Variants in KIF3C observed in about 807,000 individuals in gnomAD.
KIF3C encodes kinesin-like protein KIF3C.
In KIF3C, 12 loss-of-function variants were observed where a neutral mutation model predicts 67.7. That is an observed-to-expected ratio of 0.18 (90% confidence interval 0.11 to 0.29). The LOEUF is 0.29. KIF3C is among the 10% of genes least tolerant of loss of function. The pLI is 1.00. For missense variants in KIF3C, 789 were observed against 1,059.6 expected (o/e 0.74, Z 3.55); for synonymous variants, 393 against 426.2 (o/e 0.92, Z 0.96).
intron 1 of KIF3C, among the ~76,000 whole-genome samples, chr2:25,966,027 C>T (rs887316980): frequency 2.0e-5 from 3 of 151,960 alleles, no homozygotes; most frequent in Admixed American, 6.6e-5. Context: ...ACCCCAACCC[C>T]CATGCTTTAT....
At chr2:25,935,558 C>A (rs998018949) in intron 5 of KIF3C, among the ~76,000 whole-genome samples, 1 of 152,036 alleles carries the variant, frequency 6.6e-6, no homozygotes, top group African/African-American at 2.4e-5. Context: ...GACAGGGTCT[C>A]ACTCTGTTGC....
In KIF3C at chr2:25,980,435, TCTC is replaced by T. The variant is rs749944256; in HGVS notation, c.1480_1482del (p.Glu494del). ...TCCCGCCGCAGGTCCTCCAGCATCTTCTCCTTCTCCTCCAGCAGCTTCTGCTTC... is the reference window on the plus strand; with the variant it reads ...TCCCGCCGCAGGTCCTCCAGCATCTTCTTCTCCTCCAGCAGCTTCTGCTTC... On this transcript the variant is annotated inframe_deletion, in exon 1 of 8. Coordinates refer to ENST00000264712, the MANE Select transcript of KIF3C (RefSeq NM_002254.8). The surrounding 1 kb of genome is among the most constrained non-coding windows in gnomAD (Gnocchi z 7.6). 7 of 1,614,034 alleles carry T rather than the reference TCTC, an allele frequency of 4.3e-6. No homozygotes were observed. Among genetic ancestry groups the T allele is most frequent in the Admixed American group, 3.3e-5 (2 of 60,004 alleles).
chr2:25,956,385 C>T lies in KIF3C; in HGVS notation c.1605G>A (p.Gln535=). 6.2e-7 allele frequency: 1 copy of T among 1,614,208 alleles called. No homozygotes were observed. Among genetic ancestry groups the T allele is most frequent in the Non-Finnish European group, 8.5e-7 (1 of 1,180,028 alleles). ...GCCTCTTCAGTTCCAACATCTTCTG[C>T]TGTTCGTTGGTGTGATCCATGATGT... ...GRNIMDHTNE[Q]QKMLELKRQE... Residue 535 remains glutamine, a synonymous_variant, in exon 2 of 8, where the codon CAG becomes CAA. Coordinates refer to ENST00000264712, the MANE Select transcript of KIF3C (RefSeq NM_002254.8).
intron 5 of KIF3C, among the ~76,000 whole-genome samples, chr2:25,943,187 T>G (rs1198173680): frequency 1.3e-5 from 2 of 152,192 alleles, no homozygotes; most frequent in African/African-American, 4.8e-5. Flanking sequence ...TTTTTAGCCC[T>G]AATTAAGTGA....
Position 25,955,701 on chromosome 2 carries a change from T to G in KIF3C, c.1648-38A>C. ...CGGGCAGTGTGGCTCAAAGGAGCAG[T>G]GCATACTCGGGAGGGCCAGGAAAGC... On this transcript the variant is annotated intron_variant, in intron 2 of 7. Coordinates refer to ENST00000264712, the MANE Select transcript of KIF3C (RefSeq NM_002254.8). The surrounding 1 kb of genome is among the most constrained non-coding windows in gnomAD (Gnocchi z 5.0). 6.2e-7 allele frequency: 1 copy of G among 1,610,320 alleles called. No homozygotes were observed. Among genetic ancestry groups the G allele is most frequent in the Non-Finnish European group, 8.5e-7 (1 of 1,177,272 alleles).
At chr2:25,931,415 G>A (rs1365951645) in intron 5 of KIF3C, among the ~76,000 whole-genome samples, 4 of 151,994 alleles carry the variant, frequency 2.6e-5, no homozygotes, top group Admixed American at 2.6e-4. Context: ...CCAAGATCAC[G>A]CCATTGCACT....
chr2:25,933,476 G>C (rs576644172), intron 5 of KIF3C, among the ~76,000 whole-genome samples: 58 of 152,016 alleles, frequency 3.8e-4, no homozygotes, highest in African/African-American at 1.4e-3. Context: ...TTTGAGTCCA[G>C]CCTGGGCAAC....
At chr2:25,967,730 A>T (rs1002886457) in intron 1 of KIF3C, among the ~76,000 whole-genome samples, 12 of 152,182 alleles carry the variant, frequency 7.9e-5, no homozygotes, top group African/African-American at 2.9e-4. Flanking sequence ...GGAAGCTGAG[A>T]TGAAAGGATT....
rs1280489379 is a variant in KIF3C, at chr2:25,956,338, C to T, written c.1647+5G>A. ...CCAAGGGGACCTGGCACCTGGAGGC[C>T]CTACCTGCTCGGCAATCTCCTGCCT... On this transcript the variant is annotated splice_donor_5th_base_variant and intron_variant, in intron 2 of 7. Transcript: ENST00000264712. The T allele has an allele frequency of 1.9e-6, 3 of 1,612,886 alleles. No individual in the cohort carries two copies. Among genetic ancestry groups the T allele is most frequent in the Non-Finnish European group, 2.5e-6 (3 of 1,178,984 alleles).
intron 1 of KIF3C, among the ~76,000 whole-genome samples, chr2:25,966,482 CAG>C (rs1366413007): frequency 2.0e-5 from 3 of 152,224 alleles, no homozygotes; most frequent in Non-Finnish European, 4.4e-5. Context: ...TTCCAGGTAT[CAG>C]AGGCAGGTCA....
At chr2:25,968,893 G>T (rs1406395547) in intron 1 of KIF3C, among the ~76,000 whole-genome samples, 1 of 151,572 alleles carries the variant, frequency 6.6e-6, no homozygotes, top group Non-Finnish European at 1.5e-5. Flanking sequence ...GCGTGATCTC[G>T]GCTCACCGCA....
intron 5 of KIF3C, among the ~76,000 whole-genome samples, chr2:25,930,828 C>T (rs555332261): frequency 2.6e-5 from 4 of 151,956 alleles, no homozygotes; most frequent in Non-Finnish European, 5.9e-5. Context: ...CGTGAGCCAC[C>T]GTGCCTGGCC....
Position 25,954,257 on chromosome 2 carries a change from C to T in KIF3C, c.1889+10G>A, listed in dbSNP as rs372514290. On this transcript the variant is annotated intron_variant, in intron 4 of 7. Coordinates refer to ENST00000264712, the MANE Select transcript of KIF3C (RefSeq NM_002254.8). ...TGGGGACCCGGGATGAAAAGAGCTG[C>T]GGGCCCTACTTGAGCTTGAGTTCGC... 41 of 1,601,614 alleles carry T rather than the reference C, an allele frequency of 2.6e-5. No individual in the cohort carries two copies. The highest frequency in any genetic ancestry group is 2.3e-4 in the African/African-American group (17 of 74,792).
At chr2:25,931,934 GTT>G (rs34040664) in intron 5 of KIF3C, among the ~76,000 whole-genome samples, 6,753 of 130,158 alleles carry the variant, frequency 0.052, 208 homozygotes, top group Middle Eastern at 0.096. Context: ...GCACCTGGCT[GTT>G]TTTTTTTTTT....
At chr2:25,971,203 C>T (rs888702902) in intron 1 of KIF3C, among the ~76,000 whole-genome samples, 4 of 147,184 alleles carry the variant, frequency 2.7e-5, no homozygotes, top group Non-Finnish European at 4.5e-5. Context: ...AGCTGGGAAG[C>T]GGAGCTTGCA....
chr2:25,971,783 C>A (rs13420568), intron 1 of KIF3C, among the ~76,000 whole-genome samples: 1 of 150,622 alleles, frequency 6.6e-6, no homozygotes, highest in Non-Finnish European at 1.5e-5. Flanking sequence ...TCAAGGCTCA[C>A]TGAAACCTCG....
chr2:25,976,499 T>TGCCTGTA (rs1664418995), intron 1 of KIF3C, among the ~76,000 whole-genome samples: 1 of 152,138 alleles, frequency 6.6e-6, no homozygotes, highest in African/African-American at 2.4e-5. Context: ...CAGTGGCTCA[T>TGCCTGTA]GCCTGTAATC....
At chr2:25,935,395 C>T (rs570931567) in intron 5 of KIF3C, among the ~76,000 whole-genome samples, 6 of 151,686 alleles carry the variant, frequency 4.0e-5, no homozygotes, top group African/African-American at 1.5e-4. Flanking sequence ...TAGACAGAGT[C>T]TTGCTCTGTC....
intron 4 of KIF3C, among the ~76,000 whole-genome samples, chr2:25,952,194 A>G (rs41285969): frequency 0.26 from 39,295 of 152,026 alleles, 5,848 homozygotes; most frequent in African/African-American, 0.41. Context: ...CAAGCTACTC[A>G]GGAGGCTGAG....
Sources: gnomAD v4.1 joint callset for allele counts (sites outside exome capture counted in the v4.1 genomes callset) on GRCh38, gnomAD v4.1.1 for gene constraint, Gnocchi (gnomAD v3.1) non-coding constraint, MANE v1.5 for transcripts, NCBI Gene and HGNC (gene_info 2026-07-23, HGNC 2026-07-21) for gene names.